EFCAB6: variants seen among roughly 807,000 people sequenced by gnomAD.
EFCAB6 encodes the protein EF-hand calcium binding domain 6, also known as EF-hand calcium-binding domain-containing protein 6.
In EFCAB6, 156 loss-of-function variants were observed where a neutral mutation model predicts 169.8. The observed-to-expected ratio is 0.92, with a 90% CI of 0.81 to 1.05. The LOEUF (loss-of-function observed/expected upper bound fraction) is 1.05, where lower values mean the gene tolerates loss of function less well. EFCAB6 is among the 50% of genes least tolerant of loss of function. EFCAB6 has a pLI of 0.00. For synonymous variants in EFCAB6, 698 were observed against 676.4 expected (o/e 1.03, Z -0.50); for missense variants, 1,800 against 1,829.1 (o/e 0.98, Z 0.29).
rs373240227 is a variant in EFCAB6, at chr22:43,608,540, C to A, written c.2623G>T (p.Ala875Ser). Reference protein sequence around the residue: ...GILRRRDIKNALYGFDIPLTP... With the variant: ...GILRRRDIKNSLYGFDIPLTP... ...AGGGGAATATCAAAACCGTACAGTGCGTTCTTTATGTCCCGGCGTCGAAGA... is the reference window on the plus strand; with the variant it reads ...AGGGGAATATCAAAACCGTACAGTGAGTTCTTTATGTCCCGGCGTCGAAGA... The change falls in exon 22 of 32, where the codon GCA (alanine) becomes TCA (serine). Residue 875 changes from alanine to serine, a missense_variant. Physicochemically the swap from Ala to Ser is moderately conservative, Grantham distance 99. Transcript: ENST00000262726. The A allele has an allele frequency of 6.2e-7, 1 of 1,614,170 alleles. No individual in the cohort carries two copies. Among genetic ancestry groups the A allele is most frequent in the African/African-American group, 1.3e-5 (1 of 75,042 alleles).
intron 13 of EFCAB6, among the ~76,000 whole-genome samples, chr22:43,673,641 G>A (rs2057591989): frequency 6.6e-6 from 1 of 152,056 alleles, no homozygotes; most frequent in South Asian, 2.1e-4. Context: ...TTAGCTGGGT[G>A]TGGTGGTGTG....
chr22:43,752,405 A>C (rs890550242), intron 6 of EFCAB6, among the ~76,000 whole-genome samples: 1 of 152,192 alleles, frequency 6.6e-6, no homozygotes, highest in African/African-American at 2.4e-5. Flanking sequence ...GGCGTGAGCC[A>C]CCATGCCCGG....
chr22:43,627,181 C>A (rs931876762), intron 19 of EFCAB6, among the ~76,000 whole-genome samples: 10 of 152,208 alleles, frequency 6.6e-5, no homozygotes, highest in Non-Finnish European at 1.3e-4. Flanking sequence ...CTGGGATCCA[C>A]AAGCCTGCCA....
At chr22:43,703,363 T>C (rs1233659960) in intron 10 of EFCAB6, among the ~76,000 whole-genome samples, 1 of 152,208 alleles carries the variant, frequency 6.6e-6, no homozygotes, top group Non-Finnish European at 1.5e-5. Flanking sequence ...GAATATCTAT[T>C]TCTGCCAAAG....
chr22:43,541,772 G>A (rs2047743045), intron 27 of EFCAB6, among the ~76,000 whole-genome samples: 4 of 152,142 alleles, frequency 2.6e-5, no homozygotes, highest in Admixed American at 2.6e-4. Context: ...TTCCCATGTG[G>A]TGCCAAAACC....
At position 43,675,376 on chromosome 22, in the gene EFCAB6, C is replaced by G. The variant is rs137772; in HGVS notation, c.1419+2620G>C. Among the ~76,000 whole-genome samples the G allele has an allele frequency of 5.7e-4, 24 of 42,154 alleles. No homozygotes were observed. In the East Asian group the frequency reaches 0.041, roughly 71 times the overall value. 27.7% of individuals were successfully genotyped at this position (42,154 alleles called of 152,430 possible). A position where few individuals can be genotyped will look rare whatever the true frequency, so the allele number is the denominator to read the frequency against. On this transcript the variant is annotated intron_variant, in intron 13 of 31. Coordinates refer to ENST00000262726, the MANE Select transcript of EFCAB6 (RefSeq NM_022785.4). ...ATACTATAATATATAATATAATATA[C>G]TATATTATACTATAATATATAATAT...
At chr22:43,714,605 C>T (rs2059270122) in intron 9 of EFCAB6, among the ~76,000 whole-genome samples, 1 of 151,078 alleles carries the variant, frequency 6.6e-6, no homozygotes, top group Non-Finnish European at 1.5e-5. Context: ...CCGGCTGACT[C>T]CAGGTTATTT....
At chr22:43,672,457 C>T (rs1352616773) in intron 13 of EFCAB6, 152 bp from the exon 14 acceptor site, 7 of 698,382 alleles carry the variant, frequency 1.0e-5, no homozygotes, top group Non-Finnish European at 1.7e-5. Flanking sequence ...CCCTCTAATA[C>T]CCATCTGAAA....
In EFCAB6 at chr22:43,773,117, A is replaced by C; in HGVS notation, c.140-14T>G. ...CAACAGCTGTGGCTATAAAAGAGAT[A>C]CAGCTATTTATTAAACATGTTTAAA... On this transcript the variant is annotated splice_polypyrimidine_tract_variant and intron_variant, in intron 3 of 31. Transcript: ENST00000262726. 6.2e-7 allele frequency: 1 copy of C among 1,613,120 alleles called. No individual in the cohort carries two copies. The highest frequency in any genetic ancestry group is 8.5e-7 in the Non-Finnish European group (1 of 1,179,252).
intron 28 of EFCAB6, 59 bp downstream of exon 28, chr22:43,540,068 T>G: frequency 4.5e-6 from 7 of 1,569,778 alleles, no homozygotes; most frequent in African/African-American, 1.3e-5. Flanking sequence ...GTCCCCCCAG[T>G]GGGATTTGTG....
rs145494316 is a variant in EFCAB6, at chr22:43,716,867, T to C, written c.863A>G (p.Glu288Gly). Reference sequence around the variant, plus strand: ...TCTTACTTGTAGACAAAAGTTCCTCTCAATTTCATCCAAGGAGTAGTTTCT... The same window carrying C: ...TCTTACTTGTAGACAAAAGTTCCTCCCAATTTCATCCAAGGAGTAGTTTCT... ...IWRNYSLDEI[E>G]RNFCLQLSKS... Residue 288 changes from glutamate (E) to glycine (G), a missense_variant, in exon 9 of 32, where the codon GAG becomes GGG. Coordinates refer to ENST00000262726, the MANE Select transcript of EFCAB6 (RefSeq NM_022785.4). The C allele has an allele frequency of 8.7e-6, 14 of 1,604,052 alleles. No homozygotes were observed. In the African/African-American group the frequency reaches 1.9e-4, roughly 21 times the overall value.
intron 17 of EFCAB6, among the ~76,000 whole-genome samples, chr22:43,662,159 AAATAATAATAATAAT>A (rs55680208): frequency 0.017 from 2,291 of 137,162 alleles, 67 homozygotes; most frequent in African/African-American, 0.058. Context: ...CTCCATTTCA[AAATAATAATAATAAT>A]AATAATAATA....
intron 12 of EFCAB6, 32 bp from the exon 13 acceptor site, chr22:43,678,195 T>TTAA: frequency 1.4e-6 from 2 of 1,397,884 alleles, no homozygotes; most frequent in African/African-American, 1.7e-5. Flanking sequence ...AGGGAATTTT[T>TTAA]GAAAAAAAAA....
intron 6 of EFCAB6, among the ~76,000 whole-genome samples, chr22:43,740,480 G>T (rs2060328763): frequency 6.6e-6 from 1 of 152,144 alleles, no homozygotes; most frequent in African/African-American, 2.4e-5. Flanking sequence ...CCTGCATTCA[G>T]GACCAATCCT....
At chr22:43,691,938 C>T (rs1301065506) in intron 10 of EFCAB6, among the ~76,000 whole-genome samples, 7 of 152,050 alleles carry the variant, frequency 4.6e-5, no homozygotes, top group Non-Finnish European at 1.0e-4. Flanking sequence ...CTTTCAGCCT[C>T]GGATGAGGCA....
chr22:43,780,486 CAAAAAA>C (rs34634496), intron 3 of EFCAB6, among the ~76,000 whole-genome samples: 2 of 49,040 alleles, frequency 4.1e-5, no homozygotes, highest in African/African-American at 8.5e-5. Context: ...GACTCTGTCT[CAAAAAA>C]AAAAAAAAAA....
intron 25 of EFCAB6, among the ~76,000 whole-genome samples, chr22:43,579,145 C>A (rs555608991): frequency 6.8e-6 from 1 of 147,096 alleles, no homozygotes; most frequent in Admixed American, 6.8e-5. Flanking sequence ...ATTCTGTACA[C>A]GTAGGCATCA....
chr22:43,784,123 A>T (rs2061925251), intron 2 of EFCAB6, among the ~76,000 whole-genome samples: 1 of 152,184 alleles, frequency 6.6e-6, no homozygotes, highest in Non-Finnish European at 1.5e-5. Flanking sequence ...TGAGATGTGC[A>T]AAGAAACAAG....
At chr22:43,575,538 A>G (rs896613424) in intron 26 of EFCAB6, among the ~76,000 whole-genome samples, 2 of 152,046 alleles carry the variant, frequency 1.3e-5, no homozygotes, top group African/African-American at 2.4e-5. Context: ...TAAAGCCAAC[A>G]TATTAACATG....
Sources: gnomAD v4.1 joint callset for allele counts (sites outside exome capture counted in the v4.1 genomes callset) on GRCh38, gnomAD v4.1.1 for gene constraint, MANE v1.5 for transcripts, NCBI Gene and HGNC (gene_info 2026-07-23, HGNC 2026-07-21) for gene names.